Variants in ETS1 observed in about 807,000 individuals in gnomAD.
ETS1 encodes the protein ETS proto-oncogene 1, transcription factor.
ETS1 carries 15 observed loss-of-function variants against 58.6 expected under a neutral mutation model. That is an observed-to-expected ratio of 0.26 (90% CI 0.17 to 0.39). ETS1 has a LOEUF of 0.39. ETS1 is among the 10% of genes least tolerant of loss of function. The probability of loss-of-function intolerance (pLI) is 1.00; values close to 1 mark genes in which losing one functional copy is unlikely to be tolerated. For synonymous variants in ETS1, 214 were observed against 218.2 expected (o/e 0.98, Z 0.17); for missense variants, 417 against 610.5 (o/e 0.68, Z 3.34).
chr11:128,531,428 G>A (rs1863895766), intron 3 of ETS1, among the ~76,000 whole-genome samples: 1 of 152,168 alleles, frequency 6.6e-6, no homozygotes, highest in African/African-American at 2.4e-5. Flanking sequence ...GATTTAGTGA[G>A]CATAAAATTT....
chr11:128,526,353 A>C, intron 3 of ETS1: 1 of 153,848 alleles, frequency 6.5e-6, no homozygotes, highest in Admixed American at 6.4e-5. Context: ...CAGTTCCTCC[A>C]TGTTTCAACT....
chr11:128,484,232 T>C (rs1862564717), intron 7 of ETS1, among the ~76,000 whole-genome samples: 1 of 152,166 alleles, frequency 6.6e-6, no homozygotes. Context: ...CCGTCCCTGG[T>C]CCTCTAGCTA....
intron 3 of ETS1, among the ~76,000 whole-genome samples, chr11:128,505,952 G>T (rs1288209488): frequency 6.6e-6 from 1 of 152,198 alleles, no homozygotes. Flanking sequence ...ACACAGTGGA[G>T]CCTAACCAAT....
At chr11:128,512,675 G>A (rs1863422218) in intron 3 of ETS1, among the ~76,000 whole-genome samples, 1 of 152,256 alleles carries the variant, frequency 6.6e-6, no homozygotes, top group Non-Finnish European at 1.5e-5. Flanking sequence ...ACACCATTCT[G>A]TGGGCACCCA....
At chr11:128,560,104 A>T (rs1003336508) in intron 2 of ETS1, among the ~76,000 whole-genome samples, 1 of 151,894 alleles carries the variant, frequency 6.6e-6, no homozygotes. Context: ...TGCATCAGAG[A>T]TGGTCTCCTT....
chr11:128,546,880 A>G lies in ETS1; in HGVS notation c.214+9411T>C, dbSNP rs148427118. 5.1e-3 allele frequency among the ~76,000 whole-genome samples: 775 copies of G among 152,316 alleles called. 8 individuals carry two copies. The highest frequency in any genetic ancestry group is 0.018 in the African/African-American group (730 of 41,562). On this transcript the variant is annotated intron_variant, in intron 3 of 9. Coordinates refer to ENST00000392668, the MANE Select transcript of ETS1 (RefSeq NM_001143820.2). ...AGAAAGGCCATGAGACGCAGATCAT[A>G]GTGTGACTTTTCTGTGGTGCTTTGA...
chr11:128,506,066 G>A (rs1156709987), intron 3 of ETS1, among the ~76,000 whole-genome samples: 1 of 152,140 alleles, frequency 6.6e-6, no homozygotes, highest in African/African-American at 2.4e-5. Flanking sequence ...TGTGCTCCAA[G>A]CTCCAGATCA....
At position 128,464,294 on chromosome 11, in the gene ETS1, T is replaced by C. The variant is rs1861977314; in HGVS notation, c.1124-667A>G. 7.0e-6 allele frequency among the ~76,000 whole-genome samples: 1 copy of C among 143,020 alleles called. No individual in the cohort carries two copies. The highest frequency in any genetic ancestry group is 1.5e-5 in the Non-Finnish European group (1 of 66,424). 93.8% of individuals were successfully genotyped at this position (143,020 alleles called of 152,430 possible). ...AGGAATTAACGTGCCACCCAGAAAATCCTCAGGGGTCAGATGAGGACTGTC... is the reference window on the plus strand; with the variant it reads ...AGGAATTAACGTGCCACCCAGAAAACCCTCAGGGGTCAGATGAGGACTGTC... On this transcript the variant is annotated intron_variant, in intron 8 of 9. Coordinates refer to ENST00000392668, the MANE Select transcript of ETS1 (RefSeq NM_001143820.2). The surrounding 1 kb of genome is among the most constrained non-coding windows in gnomAD (Gnocchi z 4.1).
chr11:128,513,279 A>G (rs1863437715), intron 3 of ETS1, among the ~76,000 whole-genome samples: 2 of 152,222 alleles, frequency 1.3e-5, no homozygotes, highest in African/African-American at 4.8e-5. Flanking sequence ...GCTGTTTTAA[A>G]TGTTACCTAA....
chr11:128,522,418 G>C, intron 3 of ETS1: 2 of 917,272 alleles, frequency 2.2e-6, no homozygotes, highest in Non-Finnish European at 2.6e-6. Flanking sequence ...TGGGCCGGGC[G>C]ATGTCCGCTT....
chr11:128,531,842 A>T (rs1325331522), intron 3 of ETS1, among the ~76,000 whole-genome samples: 1 of 152,226 alleles, frequency 6.6e-6, no homozygotes, highest in East Asian at 1.9e-4. Context: ...ATCTGGGAAG[A>T]ATCCCACATG....
At chr11:128,579,011 G>A (rs1314744346) in intron 1 of ETS1, among the ~76,000 whole-genome samples, 1 of 152,138 alleles carries the variant, frequency 6.6e-6, no homozygotes, top group South Asian at 2.1e-4. Flanking sequence ...AATACATATT[G>A]ACTAACTGCA....
intron 3 of ETS1, among the ~76,000 whole-genome samples, chr11:128,493,445 A>G (rs528844592): frequency 2.6e-5 from 4 of 152,302 alleles, no homozygotes; most frequent in South Asian, 2.1e-4. Flanking sequence ...CCTCAATGCC[A>G]TCTCCACAAG....
intron 1 of ETS1, among the ~76,000 whole-genome samples, chr11:128,582,272 C>T (rs1251366823): frequency 6.6e-6 from 1 of 152,178 alleles, no homozygotes; most frequent in African/African-American, 2.4e-5. Context: ...GAGCAAATTT[C>T]TTAACCTCAC....
chr11:128,476,262 C>T (rs951981091), intron 8 of ETS1, among the ~76,000 whole-genome samples: 35 of 152,216 alleles, frequency 2.3e-4, no homozygotes, highest in African/African-American at 6.3e-4. Context: ...TAATTCTGGA[C>T]GGAAGCCAAG....
intron 3 of ETS1, among the ~76,000 whole-genome samples, chr11:128,502,322 A>G (rs886894450): frequency 1.3e-5 from 2 of 152,198 alleles, no homozygotes; most frequent in Non-Finnish European, 2.9e-5. Context: ...GCCACTGCTG[A>G]GAAGGGAGAG....
chr11:128,514,046 G>T (rs1863458352), intron 3 of ETS1, among the ~76,000 whole-genome samples: 1 of 152,096 alleles, frequency 6.6e-6, no homozygotes, highest in East Asian at 1.9e-4. Flanking sequence ...CATAGTGGGA[G>T]ACCCTAGATA....
chr11:128,522,933 G>A (rs989240643), intron 3 of ETS1, among the ~76,000 whole-genome samples: 1 of 152,198 alleles, frequency 6.6e-6, no homozygotes, highest in Non-Finnish European at 1.5e-5. Context: ...GTTTTTCAGA[G>A]CCCACCCATG....
In ETS1 at chr11:128,549,722, T is replaced by C. The variant is rs1197598171; in HGVS notation, c.214+6569A>G. On this transcript the variant is annotated intron_variant, in intron 3 of 9. Coordinates refer to ENST00000392668, the MANE Select transcript of ETS1 (RefSeq NM_001143820.2). This position sits in a 1 kb window ranked among gnomAD's most constrained non-coding sequence, Gnocchi z 4.3. ...CGGGGACCTAAAGGGGTGATTTACA[T>C]TTGTAAAGGCCTTTCCAAGCCCTCC... 6.6e-6 allele frequency among the ~76,000 whole-genome samples: 1 copy of C among 152,120 alleles called. No homozygotes were observed. The highest frequency in any genetic ancestry group is 6.5e-5 in the Admixed American group (1 of 15,276).
Sources: allele counts gnomAD v4.1 joint callset (sites outside exome capture counted in the v4.1 genomes callset), GRCh38; gene constraint gnomAD v4.1.1; non-coding constraint Gnocchi (gnomAD v3.1); transcripts MANE v1.5; gene names NCBI Gene and HGNC (gene_info 2026-07-23, HGNC 2026-07-21).